PRKG1: variants seen among roughly 807,000 people sequenced by gnomAD.
The protein encoded by PRKG1 is cGMP-dependent protein kinase 1.
PRKG1 carries 35 observed loss-of-function variants against 88.1 expected under a neutral mutation model. That is an observed-to-expected ratio of 0.40 (90% CI 0.30 to 0.53). The LOEUF (loss-of-function observed/expected upper bound fraction) is 0.53. PRKG1 is among the 20% of genes least tolerant of loss of function. PRKG1 has a pLI of 0.59. For missense variants in PRKG1, 540 were observed against 839.8 expected, an observed-to-expected ratio of 0.64 and a Z score of 4.41; for synonymous variants, 303 against 292.5, an observed-to-expected ratio of 1.04 and a Z score of -0.37.
chr10:51,386,496 G>T (rs578220472), intron 2 of PRKG1, among the ~76,000 whole-genome samples: 2 of 152,218 alleles, frequency 1.3e-5, no homozygotes, highest in Admixed American at 1.3e-4. Context: ...AACAGTGCAT[G>T]CTTCATTCCA....
chr10:51,226,348 C>T (rs1564646048), intron 2 of PRKG1, among the ~76,000 whole-genome samples: 1 of 152,082 alleles, frequency 6.6e-6, no homozygotes, highest in Non-Finnish European at 1.5e-5. Flanking sequence ...TCAAACTTTA[C>T]GTTGTTGTTG....
intron 2 of PRKG1, among the ~76,000 whole-genome samples, chr10:51,360,307 A>G (rs1842452186): frequency 6.6e-6 from 1 of 151,924 alleles, no homozygotes; most frequent in African/African-American, 2.4e-5. Flanking sequence ...ATGACCTTGT[A>G]CAGGTAAACT....
chr10:51,051,033 G>A (rs1279899000), intron 1 of PRKG1, among the ~76,000 whole-genome samples: 1 of 151,706 alleles, frequency 6.6e-6, no homozygotes, highest in African/African-American at 2.4e-5. Context: ...TTGAGTCATG[G>A]GATTTGCTTA....
intron 3 of PRKG1, chr10:51,699,242 C>G: frequency 1.2e-6 from 2 of 1,614,094 alleles, no homozygotes; most frequent in East Asian, 2.2e-5. Flanking sequence ...AGGCCCAAGG[C>G]TCTTTAACTC....
At chr10:51,509,206 G>A (rs1056971727) in intron 3 of PRKG1, among the ~76,000 whole-genome samples, 23 of 152,124 alleles carry the variant, frequency 1.5e-4, no homozygotes, top group African/African-American at 3.1e-4. Context: ...AAACAACCCA[G>A]TAATGTCAAG....
chr10:51,269,677 G>A (rs1035838916), intron 2 of PRKG1, among the ~76,000 whole-genome samples: 1 of 152,030 alleles, frequency 6.6e-6, no homozygotes, highest in African/African-American at 2.4e-5. Context: ...GGGTACAAAG[G>A]CATAAGAATG....
chr10:51,769,095 C>T lies in PRKG1; in HGVS notation c.593-35490C>T, dbSNP rs1052677868. Among the ~76,000 whole-genome samples, 11 of 152,170 alleles carry T rather than the reference C, an allele frequency of 7.2e-5. 1 individual carries two copies. Among genetic ancestry groups the T allele is most frequent in the African/African-American group, 2.7e-4 (11 of 41,430 alleles). ...GATTTCAATATTCACTAGAACAGTG[C>T]TTCTCTCTGTAATCTGGAAAGCAAA... On this transcript the variant is annotated intron_variant, in intron 3 of 17. Transcript: ENST00000373980.
intron 2 of PRKG1, among the ~76,000 whole-genome samples, chr10:51,462,714 G>T (rs1341113431): frequency 6.6e-6 from 1 of 152,070 alleles, no homozygotes; most frequent in East Asian, 1.9e-4. Flanking sequence ...ACAATGCCAG[G>T]AGCGATAAAA....
At chr10:51,518,176 T>G (rs1461293744) in intron 3 of PRKG1, among the ~76,000 whole-genome samples, 2 of 152,074 alleles carry the variant, frequency 1.3e-5, no homozygotes, top group Non-Finnish European at 2.9e-5. Context: ...TTTTGTATTT[T>G]TTGTAGAGAT....
chr10:51,407,615 G>A (rs113012874), intron 2 of PRKG1, among the ~76,000 whole-genome samples: 28,622 of 152,100 alleles, frequency 0.19, 3,463 homozygotes, highest in Non-Finnish European at 0.27. Flanking sequence ...ATTCTGTATT[G>A]CCTTTGCCTT....
intron 1 of PRKG1, among the ~76,000 whole-genome samples, chr10:51,150,472 T>C (rs1490939911): frequency 2.0e-5 from 3 of 152,146 alleles, no homozygotes; most frequent in Non-Finnish European, 2.9e-5. Flanking sequence ...AGGCAGGGCT[T>C]TGAGTATTAT....
chr10:51,629,244 C>A (rs1175585864), intron 3 of PRKG1, among the ~76,000 whole-genome samples: 1 of 152,130 alleles, frequency 6.6e-6, no homozygotes, highest in African/African-American at 2.4e-5. Flanking sequence ...GTTCCCCAAC[C>A]TTTTTGGCAC....
At chr10:52,059,296 A>G (rs76652171) in intron 6 of PRKG1, among the ~76,000 whole-genome samples, 2,034 of 152,078 alleles carry the variant, frequency 0.013, 35 homozygotes, top group African/African-American at 0.046. Context: ...ACCGTATGAC[A>G]CAGCAATTAC....
chr10:51,416,635 T>C (rs1011108378), intron 2 of PRKG1, among the ~76,000 whole-genome samples: 2 of 152,178 alleles, frequency 1.3e-5, no homozygotes, highest in East Asian at 3.9e-4. Context: ...GCAAAGGGCT[T>C]AGCACAGTGC....
intron 1 of PRKG1, among the ~76,000 whole-genome samples, chr10:51,102,758 T>C (rs2131883628): frequency 6.6e-6 from 1 of 152,276 alleles, no homozygotes; most frequent in Non-Finnish European, 1.5e-5. Context: ...AAATCAGCAC[T>C]TTTAGTGATG....
At chr10:51,089,812 T>G (rs1183071953) in intron 1 of PRKG1, among the ~76,000 whole-genome samples, 1 of 152,204 alleles carries the variant, frequency 6.6e-6, no homozygotes, top group Non-Finnish European at 1.5e-5. Context: ...ATCAAAGAGT[T>G]AAGGTAATAT....
rs139933306 is a variant in PRKG1, at chr10:50,994,833, A to G, written c.266+3189A>G. Among the ~76,000 whole-genome samples the G allele has an allele frequency of 3.5e-3, 523 of 149,856 alleles. 3 individuals carry two copies. Among genetic ancestry groups the G allele is most frequent in the African/African-American group, 0.012 (493 of 40,826 alleles). ...TTCAGGAAAAAAAAAAAAAAGAATG[A>G]TTGTGCCTGGACTAAACATGTATAG... On this transcript the variant is annotated intron_variant, in intron 1 of 17. Transcript: ENST00000401604.
chr10:51,704,730 C>G (rs1841563630), intron 3 of PRKG1, among the ~76,000 whole-genome samples: 1 of 152,002 alleles, frequency 6.6e-6, no homozygotes, highest in African/African-American at 2.4e-5. Context: ...CAGAGGAAAC[C>G]AAGAGAGTTG....
intron 2 of PRKG1, among the ~76,000 whole-genome samples, chr10:51,415,923 G>T (rs1838225312): frequency 6.6e-6 from 1 of 151,822 alleles, no homozygotes; most frequent in Non-Finnish European, 1.5e-5. Context: ...GTGTGTGTGT[G>T]TGTGTGTGTG....
Sources: gnomAD v4.1 joint callset for allele counts (sites outside exome capture counted in the v4.1 genomes callset) on GRCh38, gnomAD v4.1.1 for gene constraint, MANE v1.5 for transcripts, NCBI Gene and HGNC (gene_info 2026-07-23, HGNC 2026-07-21) for gene names.